Variants in SLC2A14 observed in about 807,000 individuals in gnomAD.
The protein encoded by SLC2A14 is solute carrier family 2, facilitated glucose transporter member 14.
In SLC2A14, 13 loss-of-function variants were observed where a neutral mutation model predicts 43.0. The observed-to-expected ratio is 0.30, with a 90% CI of 0.20 to 0.48. The LOEUF is 0.48. Among genes scored for constraint, SLC2A14 ranks in the 20% least tolerant of loss-of-function variants. The pLI is 0.99. For missense variants in SLC2A14, 428 were observed against 620.4 expected (o/e 0.69, Z 3.29); for synonymous variants, 190 against 233.8 (o/e 0.81, Z 1.71).
chr12:7,814,663 G>A (rs1863277723), intron 10 of SLC2A14, 129 bp from the exon 11 acceptor site: 1 of 1,003,910 alleles, frequency 1.0e-6, no homozygotes, highest in African/African-American at 1.6e-5. Flanking sequence ...AAAACATAAA[G>A]GTTTCTTCAG....
chr12:7,833,823 G>C (rs1281173618), intron 2 of SLC2A14, among the ~76,000 whole-genome samples: 1 of 152,010 alleles, frequency 6.6e-6, no homozygotes, highest in Admixed American at 6.6e-5. Flanking sequence ...TCTTAGTGGG[G>C]AGAACCAGTC....
At chr12:7,865,991 T>C (rs1184162595) in intron 2 of SLC2A14, among the ~76,000 whole-genome samples, 1 of 151,520 alleles carries the variant, frequency 6.6e-6, no homozygotes, top group Non-Finnish European at 1.5e-5. Context: ...CCGAGGCGGG[T>C]GGATCATCTG....
chr12:7,848,704 C>T (rs917990846), intron 2 of SLC2A14, among the ~76,000 whole-genome samples: 101 of 151,190 alleles, frequency 6.7e-4, no homozygotes, highest in Non-Finnish European at 1.1e-3. Context: ...TACAGGTGCC[C>T]GCCACCATGC....
chr12:7,876,303 A>AAAAG (rs1555149216), upstream of SLC2A14, among the ~76,000 whole-genome samples: 1 of 133,654 alleles, frequency 7.5e-6, no homozygotes, highest in African/African-American at 2.8e-5. Flanking sequence ...AAAAAAAAAA[A>AAAAG]AGAGAGACAA....
intron 2 of SLC2A14, among the ~76,000 whole-genome samples, chr12:7,859,554 G>T (rs979826593): frequency 6.6e-6 from 1 of 152,148 alleles, no homozygotes; most frequent in African/African-American, 2.4e-5. Flanking sequence ...AAAACAAGAT[G>T]ATTGGAAATG....
intron 5 of SLC2A14, 87 bp downstream of exon 5, chr12:7,829,679 C>G: frequency 6.5e-7 from 1 of 1,535,494 alleles, no homozygotes; most frequent in South Asian, 1.3e-5. Context: ...GAACATGTGC[C>G]AGATATTCTT....
At chr12:7,864,978 C>T (rs1480403589) in intron 2 of SLC2A14, among the ~76,000 whole-genome samples, 1 of 152,126 alleles carries the variant, frequency 6.6e-6, no homozygotes, top group Non-Finnish European at 1.5e-5. Context: ...GTATATCTCG[C>T]TTTATTGCAT....
At chr12:7,877,013 T>C (rs945891434), upstream of SLC2A14, among the ~76,000 whole-genome samples, 5 of 151,168 alleles carry the variant, frequency 3.3e-5, no homozygotes, top group Admixed American at 6.6e-5. Context: ...TTCTTTTTTT[T>C]TTTTTTTTGA....
Position 7,814,033 on chromosome 12 carries a change from G to C in SLC2A14, c.*283C>G, listed in dbSNP as rs573775332. The C allele has an allele frequency of 2.5e-6, 1 of 407,880 alleles. No homozygotes were observed. The highest frequency in any genetic ancestry group is 4.7e-5 in the East Asian group (1 of 21,078). The allele number at this position is 407,880 out of a possible 1,614,324, so 25.3% of individuals were successfully genotyped here. The stretch of plus-strand genomic sequence containing the variant: ...AATATCAGAACCCAAGGGAGGAAAA[G>C]CTGGCAAAGTTGTCATGTGCCAAGC... On this transcript the variant is annotated 3_prime_UTR_variant, in exon 11 of 11. Coordinates refer to ENST00000431042, the MANE Select transcript of SLC2A14 (RefSeq NM_001286234.2).
At chr12:7,871,649 C>A (rs1278785352) in intron 1 of SLC2A14, among the ~76,000 whole-genome samples, 3 of 152,010 alleles carry the variant, frequency 2.0e-5, no homozygotes, top group African/African-American at 7.2e-5. Flanking sequence ...GCCTCCAGGA[C>A]CTGGAGGTAC....
intron 1 of SLC2A14, 73 bp downstream of exon 1, chr12:7,872,734 T>C (rs912617696): frequency 1.0e-6 from 1 of 979,584 alleles, no homozygotes; most frequent in Admixed American, 6.2e-5. Flanking sequence ...CTACTCTAGC[T>C]CGGCCACCTC....
At position 7,816,174 on chromosome 12, in the gene SLC2A14, G is replaced by T. The variant is rs1460344411; in HGVS notation, c.1276-1640C>A. Among the ~76,000 whole-genome samples the T allele has an allele frequency of 3.1e-5, 2 of 65,338 alleles. 1 individual carries two copies. The highest frequency in any genetic ancestry group is 1.3e-4 in the African/African-American group (2 of 15,354). 42.9% of individuals were successfully genotyped at this position (65,338 alleles called of 152,430 possible). Reference sequence around the variant, plus strand: ...CTGCGGACTGCAGTGGCGCAATCTCGGCTCACTGCAAGCTCCGCTTCCCGG... The same window carrying T: ...CTGCGGACTGCAGTGGCGCAATCTCTGCTCACTGCAAGCTCCGCTTCCCGG... On this transcript the variant is annotated intron_variant, in intron 10 of 10. Coordinates refer to ENST00000431042, the MANE Select transcript of SLC2A14 (RefSeq NM_001286234.2).
At chr12:7,839,802 G>C (rs752027362) in intron 2 of SLC2A14, 2 of 452,866 alleles carry the variant, frequency 4.4e-6, no homozygotes, top group Admixed American at 4.7e-5. Flanking sequence ...GGCCAGGCTC[G>C]ATGGCTCATG....
chr12:7,835,607 G>A (rs1865386521), intron 2 of SLC2A14, among the ~76,000 whole-genome samples: 1 of 152,178 alleles, frequency 6.6e-6, no homozygotes, highest in African/African-American at 2.4e-5. Context: ...CAGCTTTGTG[G>A]GATGGGTGCT....
intron 2 of SLC2A14, among the ~76,000 whole-genome samples, chr12:7,835,297 G>C (rs547569862): frequency 3.9e-5 from 6 of 152,170 alleles, no homozygotes; most frequent in African/African-American, 1.4e-4. Flanking sequence ...TGAGACAGGA[G>C]AATTGCTTGA....
At chr12:7,880,711 A>G (rs1945554102) in intron 1 of SLC2A14, among the ~76,000 whole-genome samples, 5 of 35,882 alleles carry the variant, frequency 1.4e-4, no homozygotes, top group Middle Eastern at 0.016. Context: ...AAAAAAAAAA[A>G]AAAGAGAGAA....
chr12:7,869,414 A>C (rs1417423742), intron 2 of SLC2A14, among the ~76,000 whole-genome samples: 1 of 152,168 alleles, frequency 6.6e-6, no homozygotes, highest in Non-Finnish European at 1.5e-5. Flanking sequence ...TCTTTATCAC[A>C]GTATGCAAGT....
intron 1 of SLC2A14, among the ~76,000 whole-genome samples, chr12:7,883,706 C>T (rs1269076472): frequency 2.7e-5 from 4 of 146,488 alleles, no homozygotes; most frequent in African/African-American, 1.0e-4. Flanking sequence ...GCCTCAGTCT[C>T]CCGAGTAGTT....
chr12:7,840,111 C>CAAA lies in SLC2A14; in HGVS notation c.19-7300_19-7298dup, dbSNP rs35137540. ...TGGGAGACAGAGCCAGACCCTGTCT[C>CAAA]AAAAAAAAAAAAAAAAAGTGCGGTG... On this transcript the variant is annotated intron_variant, in intron 2 of 10. Transcript: ENST00000431042. Among the ~76,000 whole-genome samples the CAAA allele has an allele frequency of 0.016, 1,119 of 71,054 alleles. 74 individuals carry two copies. The East Asian group carries it at 0.16, about 10-fold the overall frequency. 46.6% of individuals were successfully genotyped at this position (71,054 alleles called of 152,430 possible). A position where few individuals can be genotyped will look rare whatever the true frequency, so the allele number is the denominator to read the frequency against.
Sources: allele counts gnomAD v4.1 joint callset (sites outside exome capture counted in the v4.1 genomes callset), GRCh38; gene constraint gnomAD v4.1.1; transcripts MANE v1.5; gene names NCBI Gene and HGNC (gene_info 2026-07-23, HGNC 2026-07-21).